Variants in USP24 observed in about 807,000 individuals in gnomAD.
USP24 encodes ubiquitin carboxyl-terminal hydrolase 24.
In USP24, 97 loss-of-function variants were observed where a neutral mutation model predicts 361.6. The observed-to-expected ratio is 0.27, with a 90% CI of 0.23 to 0.32. The LOEUF is 0.32. USP24 is among the 10% of genes least tolerant of loss of function. USP24 has a pLI of 1.00. For missense variants in USP24, 2,353 were observed against 3,165.6 expected, an observed-to-expected ratio of 0.74 and a Z score of 6.16; for synonymous variants, 1,098 against 1,124.6, an observed-to-expected ratio of 0.98 and a Z score of 0.47.
intron 16 of USP24, among the ~76,000 whole-genome samples, chr1:55,150,424 A>G (rs909868997): frequency 6.6e-6 from 1 of 152,220 alleles, no homozygotes; most frequent in Non-Finnish European, 1.5e-5. Flanking sequence ...AATAAGGTAT[A>G]TATTAAAGGT....
intron 55 of USP24, chr1:55,086,240 G>C (rs929088244): frequency 1.7e-6 from 1 of 590,970 alleles, no homozygotes; most frequent in Non-Finnish European, 3.0e-6. Flanking sequence ...ACCAGCCAAG[G>C]CTCTGTTCAA....
intron 7 of USP24, 131 bp downstream of exon 7, chr1:55,165,754 G>T: frequency 1.6e-6 from 1 of 632,974 alleles, no homozygotes. Context: ...CAGGACCGTG[G>T]AATCTGCTCC....
chr1:55,182,868 C>A (rs538311743), intron 1 of USP24, among the ~76,000 whole-genome samples: 1 of 152,156 alleles, frequency 6.6e-6, no homozygotes, highest in Non-Finnish European at 1.5e-5. Context: ...GCGCATACCA[C>A]CATGTCCAGC....
At position 55,097,014 on chromosome 1, in the gene USP24, A is replaced by G; in HGVS notation, c.5874T>C (p.Gly1958=). 2 of 1,613,906 alleles carry G rather than the reference A, an allele frequency of 1.2e-6. No homozygotes were observed. The highest frequency in any genetic ancestry group is 1.7e-6 in the Non-Finnish European group (2 of 1,179,872). The change falls in exon 49 of 68, where the codon GGT becomes GGC. Residue 1958 remains glycine, a synonymous_variant. Coordinates refer to ENST00000294383, the MANE Select transcript of USP24 (RefSeq NM_015306.3). ...VALTENYELV[G]VIVHSGQAHA... ...GTGCCTGCCCACTGTGTACGATGAC[A>G]CCGACAAGTTCATAGTTTTCTGTGA... is the stretch of plus-strand genomic sequence containing the variant.
chr1:55,084,904 A>G (rs543681077), intron 56 of USP24, among the ~76,000 whole-genome samples: 1 of 152,298 alleles, frequency 6.6e-6, no homozygotes, highest in African/African-American at 2.4e-5. Context: ...GGGAGGCTGC[A>G]CTAACTCTGC....
chr1:55,192,274 G>A lies in USP24; in HGVS notation c.325-14142C>T, dbSNP rs182107376. On this transcript the variant is annotated intron_variant, in intron 1 of 67. Coordinates refer to ENST00000294383, the MANE Select transcript of USP24 (RefSeq NM_015306.3). ...TTGTTGAAAGAAGTAAAACCTACTG[G>A]GGAGGTACCTACCACCTGCTAGTTT... Among the ~76,000 whole-genome samples, 345 of 152,238 alleles carry A rather than the reference G, an allele frequency of 2.3e-3. 2 individuals are homozygous for A. Among genetic ancestry groups the A allele is most frequent in the Non-Finnish European group, 3.7e-3 (249 of 68,006 alleles).
At chr1:55,164,210 A>T (rs986490046) in intron 7 of USP24, among the ~76,000 whole-genome samples, 1 of 151,852 alleles carries the variant, frequency 6.6e-6, no homozygotes, top group African/African-American at 2.4e-5. Flanking sequence ...GTATAGCTTG[A>T]TAATTTAGGT....
chr1:55,114,317 C>T (rs1646042442), intron 38 of USP24, among the ~76,000 whole-genome samples: 1 of 152,144 alleles, frequency 6.6e-6, no homozygotes, highest in African/African-American at 2.4e-5. Context: ...GCCACGCTGC[C>T]CAAAGTAATT....
intron 60 of USP24, 26 bp from the exon 61 acceptor site, chr1:55,078,677 G>A: frequency 6.4e-7 from 1 of 1,563,698 alleles, no homozygotes; most frequent in Non-Finnish European, 8.7e-7. Context: ...AACACAGTCA[G>A]CTATTCTCAT....
intron 59 of USP24, among the ~76,000 whole-genome samples, chr1:55,079,905 GCACA>G (rs1354499312): frequency 2.7e-5 from 4 of 150,372 alleles, no homozygotes; most frequent in African/African-American, 9.8e-5. Flanking sequence ...CAGAGAACTC[GCACA>G]CAGAGTACTC....
chr1:55,146,827 G>T, intron 19 of USP24, 102 bp downstream of exon 19: 1 of 1,406,204 alleles, frequency 7.1e-7, no homozygotes. Flanking sequence ...TACTATTTAT[G>T]CTTATATAAA....
chr1:55,082,807 CAACAAACAAAAAAACCCA>C (rs1368218315), intron 58 of USP24, among the ~76,000 whole-genome samples: 3 of 152,068 alleles, frequency 2.0e-5, no homozygotes, highest in Non-Finnish European at 4.4e-5. Flanking sequence ...CTCAAACAGA[CAACAAACAAAAAAACCCA>C]AACAACTTCC....
Position 55,094,098 on chromosome 1 carries a change from G to T in USP24, c.6204-11C>A. On this transcript the variant is annotated splice_polypyrimidine_tract_variant and intron_variant, in intron 51 of 67. Transcript: ENST00000294383. ...GAAGATGGAGCTGACCTAAGAGATA[G>T]AATCAGAAAACTCTGTCTAGTATAA... 1 of 1,608,340 alleles carries T rather than the reference G, an allele frequency of 6.2e-7. No individual in the cohort carries two copies. Among genetic ancestry groups the T allele is most frequent in the Non-Finnish European group, 8.5e-7 (1 of 1,177,358 alleles).
rs766767983 is a variant in USP24 at position 55,106,277 on chromosome 1, T to A, written c.4763-14A>T. ...TGAGTGATGAACCTGGAATAGAGCA[T>A]AATATTCATGTTGAAGATGAACACA... On this transcript the variant is annotated splice_polypyrimidine_tract_variant and intron_variant, in intron 40 of 67. Coordinates refer to ENST00000294383, the MANE Select transcript of USP24 (RefSeq NM_015306.3). The A allele has an allele frequency of 1.3e-6, 2 of 1,562,098 alleles. No individual in the cohort carries two copies. The highest frequency in any genetic ancestry group is 1.8e-6 in the Non-Finnish European group (2 of 1,133,882).
At chr1:55,134,709 T>C (rs1646686011) in intron 28 of USP24, among the ~76,000 whole-genome samples, 1 of 152,162 alleles carries the variant, frequency 6.6e-6, no homozygotes, top group African/African-American at 2.4e-5. Context: ...AGAGAGCATG[T>C]GTAATTAATA....
At chr1:55,089,185 T>G (rs1645320488) in intron 55 of USP24, among the ~76,000 whole-genome samples, 1 of 152,124 alleles carries the variant, frequency 6.6e-6, no homozygotes, top group Admixed American at 6.5e-5. Flanking sequence ...GGATTACAGG[T>G]GCGAGCCACT....
intron 62 of USP24, among the ~76,000 whole-genome samples, chr1:55,076,019 G>A (rs1020717073): frequency 2.0e-5 from 3 of 151,830 alleles, no homozygotes; most frequent in Non-Finnish European, 4.4e-5. Context: ...TTACACGGCT[G>A]CCACATATCT....
rs149293133 is a variant in USP24 at position 55,181,456 on chromosome 1, G to A, written c.325-3324C>T. Among the ~76,000 whole-genome samples, 9 of 152,232 alleles carry A rather than the reference G, an allele frequency of 5.9e-5. No homozygotes were observed. In the East Asian group the frequency reaches 1.7e-3, roughly 29 times the overall value. On this transcript the variant is annotated intron_variant, in intron 1 of 67. Coordinates refer to ENST00000294383, the MANE Select transcript of USP24 (RefSeq NM_015306.3). The stretch of plus-strand genomic sequence containing the variant: ...TTTAATTCATAAGTACTATAAGTAA[G>A]CCAATTTCACTTAAAGGAACCTGAT...
chr1:55,083,913 C>T, intron 56 of USP24, 25 bp from the exon 57 acceptor site: 1 of 1,521,710 alleles, frequency 6.6e-7, no homozygotes, highest in Non-Finnish European at 8.9e-7. Context: ...GATAAAATTA[C>T]ATGAAGAAAA....
Sources: allele counts gnomAD v4.1 joint callset (sites outside exome capture counted in the v4.1 genomes callset), GRCh38; gene constraint gnomAD v4.1.1; transcripts MANE v1.5; gene names NCBI Gene and HGNC (gene_info 2026-07-23, HGNC 2026-07-21).